Variants in AQR observed in about 807,000 individuals in gnomAD.
AQR encodes RNA helicase aquarius.
A neutral mutation model predicts 180.5 loss-of-function variants in AQR; 61 were observed. That is an observed-to-expected ratio of 0.34 (90% CI 0.28 to 0.42). AQR has a LOEUF of 0.42. Among genes scored for constraint, AQR ranks in the 10% least tolerant of loss-of-function variants. AQR has a pLI of 1.00. For synonymous variants in AQR, 551 were observed against 588.8 expected, an observed-to-expected ratio of 0.94 and a Z score of 0.93; for missense variants, 1,281 against 1,798.3, an observed-to-expected ratio of 0.71 and a Z score of 5.20.
chr15:34,948,805 A>C (rs1032857396), intron 4 of AQR, among the ~76,000 whole-genome samples: 5 of 152,090 alleles, frequency 3.3e-5, no homozygotes, highest in Non-Finnish European at 5.9e-5. Flanking sequence ...TCAAAAAAAA[A>C]AAAAAAAACT....
chr15:34,868,770 T>C (rs1892774591), intron 31 of AQR: 1 of 152,168 alleles, frequency 6.6e-6, no homozygotes, highest in Non-Finnish European at 1.5e-5. Flanking sequence ...GATATATTCT[T>C]TTGTGTCCTG....
chr15:34,873,313 T>C (rs1892847759), intron 30 of AQR, among the ~76,000 whole-genome samples: 1 of 152,180 alleles, frequency 6.6e-6, no homozygotes, highest in African/African-American at 2.4e-5. Context: ...TAGCATTGTA[T>C]GAGAATAAAG....
intron 24 of AQR, among the ~76,000 whole-genome samples, chr15:34,887,049 T>C (rs1227081699): frequency 1.3e-5 from 2 of 151,078 alleles, no homozygotes; most frequent in Non-Finnish European, 2.9e-5. Context: ...GGCGTGAACC[T>C]GGGAGGCGGA....
intron 8 of AQR, 97 bp downstream of exon 8, chr15:34,940,802 A>G (rs1028085721): frequency 1.2e-6 from 1 of 859,968 alleles, no homozygotes; most frequent in Non-Finnish European, 1.9e-6. Context: ...ATTTGCACTC[A>G]GCACTATATA....
intron 1 of AQR, 31 bp downstream of exon 1, chr15:34,969,508 A>G: frequency 6.2e-7 from 1 of 1,612,150 alleles, no homozygotes; most frequent in Non-Finnish European, 8.5e-7. Context: ...GTCCATACCC[A>G]CTCACACACA....
intron 5 of AQR, among the ~76,000 whole-genome samples, chr15:34,946,821 G>C (rs1198430304): frequency 2.0e-5 from 3 of 149,590 alleles, no homozygotes; most frequent in Non-Finnish European, 3.0e-5. Flanking sequence ...GTCTCTGCCC[G>C]GCCGCCCCTA....
chr15:34,969,325 C>A (rs185026869), intron 1 of AQR, among the ~76,000 whole-genome samples: 35 of 152,188 alleles, frequency 2.3e-4, no homozygotes, highest in Non-Finnish European at 1.5e-5. Flanking sequence ...GCCATGAACT[C>A]CCCAGGGCAG....
rs1395341315 is a variant in AQR, at chr15:34,969,557, A to G, written c.57T>C (p.Asn19=). The G allele has an allele frequency of 6.2e-7, 1 of 1,613,722 alleles. No individual in the cohort carries two copies. The highest frequency in any genetic ancestry group is 1.7e-5 in the Admixed American group (1 of 60,016). ...KIVAPTVSQI[N]AEFVTQLACK... ...AGCTCACCTGGGTCACGAACTCCGC[A>G]TTGATTTGGGACACCGTAGGGGCCA... The change falls in exon 1 of 35, where the codon AAT becomes AAC. Residue 19 remains asparagine, a synonymous_variant. Transcript: ENST00000156471.
At chr15:34,903,186 A>T (rs747139669) in intron 19 of AQR, among the ~76,000 whole-genome samples, 2 of 152,142 alleles carry the variant, frequency 1.3e-5, no homozygotes, top group African/African-American at 4.8e-5. Flanking sequence ...TATTTTAAAA[A>T]ACAGCAAAAA....
At chr15:34,893,904 C>A (rs1346385887) in intron 22 of AQR, 131 bp from the exon 23 acceptor site, 1 of 696,690 alleles carries the variant, frequency 1.4e-6, no homozygotes, top group Admixed American at 2.4e-5. Context: ...ACAGAATGAA[C>A]AGGATAGAAG....
At chr15:34,943,361 A>C (rs1245649877) in intron 6 of AQR, 2 of 1,459,218 alleles carry the variant, frequency 1.4e-6, no homozygotes, top group Non-Finnish European at 1.9e-6. Flanking sequence ...AACTGGGAGG[A>C]GATAAGAAGA....
intron 3 of AQR, among the ~76,000 whole-genome samples, chr15:34,955,455 G>C (rs1020953560): frequency 7.9e-5 from 12 of 152,086 alleles, no homozygotes; most frequent in African/African-American, 2.9e-4. Context: ...TGAAATACGA[G>C]GTCTGGAGCT....
intron 18 of AQR, 83 bp from the exon 19 acceptor site, chr15:34,904,588 A>AAGAAATAC: frequency 2.2e-6 from 3 of 1,334,944 alleles, no homozygotes; most frequent in Non-Finnish European, 3.1e-6. Flanking sequence ...TTTTCTAGAA[A>AAGAAATAC]TGGTGAGTAA....
At position 34,870,810 on chromosome 15, in the gene AQR, A is replaced by G; in HGVS notation, c.3710T>C (p.Ile1237Thr). The stretch of plus-strand genomic sequence containing the variant: ...ACATCGTCTATTGATGATGTCGCGA[A>G]TAAGATGCTTTTGGCCATTATATGT... ...LTTYNGQKHL[I>T]RDIINRRCGN... is the part of the protein sequence containing the mutation. The change falls in exon 31 of 35, where the codon ATT becomes ACT. Residue 1237 changes from isoleucine to threonine, a missense_variant. By Grantham distance (89) the Ile-to-Thr change is moderately conservative (BLOSUM62 -1). This residue lies in a region of AQR where 197 missense variants were observed against 320.7 expected (regional missense o/e 0.61). Coordinates refer to ENST00000156471, the MANE Select transcript of AQR (RefSeq NM_014691.3). 6.2e-7 allele frequency: 1 copy of G among 1,613,528 alleles called. No homozygotes were observed.
At chr15:34,922,116 G>A (rs1002377750) in intron 13 of AQR, among the ~76,000 whole-genome samples, 13 of 152,000 alleles carry the variant, frequency 8.6e-5, no homozygotes, top group Non-Finnish European at 1.0e-4. Flanking sequence ...CTGGTCTTAG[G>A]TAGGTAGCCT....
intron 4 of AQR, among the ~76,000 whole-genome samples, chr15:34,952,084 AG>A (rs1262962294): frequency 1.3e-5 from 2 of 152,160 alleles, no homozygotes; most frequent in Non-Finnish European, 2.9e-5. Context: ...TTTTTTTGTA[AG>A]GATCAAATGT....
intron 8 of AQR, 137 bp downstream of exon 8, chr15:34,940,762 T>C: frequency 2.9e-6 from 2 of 694,216 alleles, no homozygotes; most frequent in Non-Finnish European, 5.0e-6. Context: ...TTAATGACAG[T>C]CTAGGTAAAA....
chr15:34,874,726 C>T lies in AQR; in HGVS notation c.3376G>A (p.Val1126Ile), dbSNP rs773831067. The T allele has an allele frequency of 6.2e-6, 10 of 1,613,704 alleles. No individual in the cohort carries two copies. The highest frequency in any genetic ancestry group is 2.2e-5 in the South Asian group (2 of 91,070). ...EQSLFTRFVR[V>I]GVPTVDLDAQ... ...TCAAGGTCAACAGTCGGAACTCCAA[C>T]GCGAACAAAGCGAGTGAAGAGAGAC... Residue 1126 changes from valine to isoleucine, a missense_variant, in exon 29 of 35, where the codon GTT becomes ATT. Around this residue, in one of 9 missense-constraint regions of AQR, gnomAD observed 197 missense variants for 320.7 expected, o/e 0.61. Coordinates refer to ENST00000156471, the MANE Select transcript of AQR (RefSeq NM_014691.3).
At chr15:34,935,654 A>G (rs574895686) in intron 9 of AQR, among the ~76,000 whole-genome samples, 12 of 152,346 alleles carry the variant, frequency 7.9e-5, no homozygotes, top group Non-Finnish European at 1.6e-4. Flanking sequence ...ACAGAAGTAT[A>G]GAAATTATTA....
Sources: allele counts gnomAD v4.1 joint callset (sites outside exome capture counted in the v4.1 genomes callset), GRCh38; gene constraint gnomAD v4.1.1; regional missense constraint gnomAD v4.1.1; transcripts MANE v1.5; gene names NCBI Gene and HGNC (gene_info 2026-07-23, HGNC 2026-07-21).